SLC4A10: variants seen among roughly 807,000 people sequenced by gnomAD.
The protein encoded by SLC4A10 is sodium-driven chloride bicarbonate exchanger.
Under a neutral mutation model 137.7 loss-of-function variants are expected in SLC4A10, and 42 were observed. That is an observed-to-expected ratio of 0.30 (90% CI 0.24 to 0.39). SLC4A10 has a LOEUF of 0.39. Ranked by LOEUF, SLC4A10 falls within the 10% of genes least tolerant of loss-of-function variation. The pLI, the probability that SLC4A10 is intolerant of heterozygous loss-of-function variation, is 1.00. For synonymous variants in SLC4A10, 474 were observed against 464.1 expected (o/e 1.02, Z -0.27); for missense variants, 925 against 1,355.0 (o/e 0.68, Z 4.98).
intron 3 of SLC4A10, among the ~76,000 whole-genome samples, chr2:161,821,268 TCTGCTAAGAGG>T (rs2057595071): frequency 6.6e-6 from 1 of 152,202 alleles, no homozygotes; most frequent in Admixed American, 6.5e-5. Context: ...TCCAGCAGAG[TCTGCTAAGAGG>T]CTGATACCTT....
At chr2:161,972,858 G>A (rs897232673) in intron 23 of SLC4A10, among the ~76,000 whole-genome samples, 2 of 152,224 alleles carry the variant, frequency 1.3e-5, no homozygotes, top group African/African-American at 4.8e-5. Flanking sequence ...CTCCAAGAGA[G>A]AAATGAGATC....
chr2:161,931,590 C>T (rs1690406648), intron 15 of SLC4A10: 1 of 151,898 alleles, frequency 6.6e-6, no homozygotes, highest in Non-Finnish European at 1.5e-5. Flanking sequence ...GATTGTTTTC[C>T]TCCAGGATGC....
At chr2:161,716,482 A>C (rs1290288838) in intron 1 of SLC4A10, among the ~76,000 whole-genome samples, 4 of 151,910 alleles carry the variant, frequency 2.6e-5, no homozygotes, top group Non-Finnish European at 5.9e-5. Context: ...TTAAGTCTTT[A>C]CTCCATCTTG....
chr2:161,850,112 C>A (rs1418964650), intron 4 of SLC4A10, among the ~76,000 whole-genome samples: 1 of 151,974 alleles, frequency 6.6e-6, no homozygotes, highest in Non-Finnish European at 1.5e-5. Context: ...CTGGTTAGGC[C>A]AGGTACACGG....
intron 21 of SLC4A10, among the ~76,000 whole-genome samples, chr2:161,962,262 C>G (rs1223228073): frequency 6.6e-6 from 1 of 152,114 alleles, no homozygotes; most frequent in East Asian, 1.9e-4. Flanking sequence ...CAGATATATA[C>G]CCACATCTAT....
chr2:161,655,122 T>C (rs2037331321), intron 1 of SLC4A10, among the ~76,000 whole-genome samples: 1 of 152,160 alleles, frequency 6.6e-6, no homozygotes, highest in African/African-American at 2.4e-5. Context: ...AAGTATTTTA[T>C]TTTTTTCATG....
intron 1 of SLC4A10, among the ~76,000 whole-genome samples, chr2:161,711,113 CT>C (rs2125061344): frequency 6.6e-6 from 1 of 151,822 alleles, no homozygotes; most frequent in Admixed American, 6.6e-5. Context: ...GCATTAAAGA[CT>C]TTTAGAGTGC....
chr2:161,665,198 T>C (rs1328625492), intron 1 of SLC4A10, among the ~76,000 whole-genome samples: 1 of 151,816 alleles, frequency 6.6e-6, no homozygotes, highest in Non-Finnish European at 1.5e-5. Context: ...TGATGATAAA[T>C]GAAATAATCA....
At chr2:161,861,105 AT>A (rs759470724) in intron 5 of SLC4A10, among the ~76,000 whole-genome samples, 1 of 152,156 alleles carries the variant, frequency 6.6e-6, no homozygotes, top group Non-Finnish European at 1.5e-5. Context: ...TGCCTAAAAT[AT>A]TTGTTATCTG....
At chr2:161,627,560 C>T (rs931265482) in intron 1 of SLC4A10, among the ~76,000 whole-genome samples, 3 of 152,112 alleles carry the variant, frequency 2.0e-5, no homozygotes, top group Admixed American at 6.6e-5. Flanking sequence ...GGGTTTACCT[C>T]CATTTAGTAT....
At chr2:161,860,308 G>A (rs1309114259) in intron 5 of SLC4A10, among the ~76,000 whole-genome samples, 2 of 152,130 alleles carry the variant, frequency 1.3e-5, no homozygotes, top group African/African-American at 4.8e-5. Flanking sequence ...TGTGAAGATA[G>A]TGACCTATGG....
chr2:161,894,924 T>A (rs1219471431), intron 11 of SLC4A10, 99 bp downstream of exon 11: 1 of 691,590 alleles, frequency 1.4e-6, no homozygotes, highest in Non-Finnish European at 1.9e-6. Flanking sequence ...TATTTTATTA[T>A]TATTATACTT....
intron 1 of SLC4A10, among the ~76,000 whole-genome samples, chr2:161,755,853 C>G (rs1309533360): frequency 6.6e-6 from 1 of 151,784 alleles, no homozygotes; most frequent in African/African-American, 2.4e-5. Flanking sequence ...TCACTGCAAC[C>G]TCTGCCTCCC....
chr2:161,848,993 G>A (rs1023758411), intron 4 of SLC4A10, among the ~76,000 whole-genome samples: 5 of 152,030 alleles, frequency 3.3e-5, no homozygotes, highest in African/African-American at 1.2e-4. Flanking sequence ...AATTGCTTTG[G>A]GCAGTATGCC....
chr2:161,675,743 T>C (rs1190490723), intron 1 of SLC4A10, among the ~76,000 whole-genome samples: 1 of 152,172 alleles, frequency 6.6e-6, no homozygotes, highest in East Asian at 1.9e-4. Flanking sequence ...TTTTGTTAAA[T>C]ATAAAAGTTA....
At chr2:161,906,373 T>A (rs1684358425) in intron 15 of SLC4A10, among the ~76,000 whole-genome samples, 1 of 152,160 alleles carries the variant, frequency 6.6e-6, no homozygotes, top group South Asian at 2.1e-4. Flanking sequence ...AATGAAAATT[T>A]AATTTTGGTT....
chr2:161,796,862 T>A (rs765201160), intron 2 of SLC4A10, among the ~76,000 whole-genome samples: 9 of 152,286 alleles, frequency 5.9e-5, no homozygotes, highest in Non-Finnish European at 1.0e-4. Flanking sequence ...TCTTTCTACA[T>A]GTGCACATGT....
intron 2 of SLC4A10, among the ~76,000 whole-genome samples, chr2:161,775,233 A>T (rs1390250178): frequency 6.6e-6 from 1 of 151,906 alleles, no homozygotes; most frequent in African/African-American, 2.4e-5. Context: ...CAGATGTGGG[A>T]TCTTGGCTAC....
At chr2:161,918,019 T>C (rs1477332350) in intron 15 of SLC4A10, among the ~76,000 whole-genome samples, 1 of 152,230 alleles carries the variant, frequency 6.6e-6, no homozygotes, top group East Asian at 1.9e-4. Flanking sequence ...CACTCAACAC[T>C]GCACTGCGTT....
Sources: allele counts gnomAD v4.1 joint callset (sites outside exome capture counted in the v4.1 genomes callset), GRCh38; gene constraint gnomAD v4.1.1; transcripts MANE v1.5; gene names NCBI Gene and HGNC (gene_info 2026-07-23, HGNC 2026-07-21).